The following CTNNA3 variants were observed in gnomAD, a reference collection of about 807,000 sequenced individuals.
CTNNA3 encodes catenin alpha-3.
Under a neutral mutation model 95.7 loss-of-function variants are expected in CTNNA3, and 76 were observed. The ratio of observed to expected loss-of-function variants is 0.79; its 90% CI spans 0.66 to 0.96. CTNNA3 has a LOEUF of 0.96. Among genes scored for constraint, CTNNA3 ranks in the 40% least tolerant of loss-of-function variants. The pLI, the probability that CTNNA3 is intolerant of heterozygous loss-of-function variation, is 0.00. For synonymous variants in CTNNA3, 431 were observed against 374.4 expected (o/e 1.15, Z -1.74); for missense variants, 1,191 against 1,089.8 (o/e 1.09, Z -1.31).
chr10:65,950,743 C>T (rs960509093), intron 17 of CTNNA3, among the ~76,000 whole-genome samples: 7 of 152,092 alleles, frequency 4.6e-5, no homozygotes, highest in African/African-American at 1.7e-4. Flanking sequence ...AGGCAAAATT[C>T]CTTTTGAATA....
At chr10:66,504,552 A>T (rs1911348) in intron 11 of CTNNA3, among the ~76,000 whole-genome samples, 23,174 of 152,192 alleles carry the variant, frequency 0.15, 1,842 homozygotes, top group Non-Finnish European at 0.17. Context: ...TTCTCTCACA[A>T]TGCCCAGGAA....
At chr10:66,545,660 G>C (rs1424914971) in intron 10 of CTNNA3, among the ~76,000 whole-genome samples, 1 of 151,924 alleles carries the variant, frequency 6.6e-6, no homozygotes, top group Non-Finnish European at 1.5e-5. Context: ...CAACATATGA[G>C]TATTTTTGAT....
chr10:66,992,696 T>C (rs1564817630), intron 7 of CTNNA3, among the ~76,000 whole-genome samples: 3 of 152,166 alleles, frequency 2.0e-5, no homozygotes, highest in African/African-American at 4.8e-5. Flanking sequence ...GTTGATCACA[T>C]TTAAGTCTTT....
At chr10:66,542,119 C>T (rs1252034771) in intron 10 of CTNNA3, among the ~76,000 whole-genome samples, 1 of 152,024 alleles carries the variant, frequency 6.6e-6, no homozygotes, top group Non-Finnish European at 1.5e-5. Context: ...ATTTATGCAG[C>T]CAAAAGACAC....
chr10:66,943,701 T>C (rs988757988), intron 7 of CTNNA3, among the ~76,000 whole-genome samples: 2 of 152,124 alleles, frequency 1.3e-5, no homozygotes, highest in Middle Eastern at 3.2e-3. Context: ...GGAAAACAAA[T>C]ACAGGCATAC....
intron 7 of CTNNA3, among the ~76,000 whole-genome samples, chr10:66,845,717 A>AAAAAC (rs1554862180): frequency 1.3e-4 from 17 of 130,684 alleles, no homozygotes; most frequent in African/African-American, 4.8e-4. Context: ...AAAAAAAAAA[A>AAAAAC]AAAAAAAAAA....
intron 12 of CTNNA3, among the ~76,000 whole-genome samples, chr10:66,286,220 C>A (rs771517433): frequency 6.6e-6 from 1 of 151,996 alleles, no homozygotes; most frequent in Non-Finnish European, 1.5e-5. Context: ...ATCAACAATG[C>A]CTAAATATTC....
intron 9 of CTNNA3, among the ~76,000 whole-genome samples, chr10:66,624,295 T>G (rs977085529): frequency 2.6e-5 from 4 of 152,142 alleles, no homozygotes; most frequent in Non-Finnish European, 5.9e-5. Flanking sequence ...ACTGGGATGC[T>G]TTGAGAATTA....
At chr10:66,090,213 G>A (rs945184639) in intron 14 of CTNNA3, among the ~76,000 whole-genome samples, 1 of 151,934 alleles carries the variant, frequency 6.6e-6, no homozygotes, top group Non-Finnish European at 1.5e-5. Context: ...CCCATGTAAA[G>A]GACTTTGTAC....
intron 5 of CTNNA3, among the ~76,000 whole-genome samples, chr10:67,351,820 A>G (rs1477673242): frequency 1.3e-5 from 2 of 151,982 alleles, no homozygotes; most frequent in African/African-American, 2.4e-5. Context: ...CAAGAGGAAA[A>G]GTGGTGGCCT....
At position 66,793,131 on chromosome 10, in the gene CTNNA3, G is replaced by C. The variant is rs79320089; in HGVS notation, c.1048-17607C>G. 4.6e-3 allele frequency among the ~76,000 whole-genome samples: 702 copies of C among 152,012 alleles called. 2 individuals carry two copies. Among genetic ancestry groups the C allele is most frequent in the Middle Eastern group, 0.014 (4 of 294 alleles). ...GTGTAATGAGGTTTTGGGGGGAGTA[G>C]GTTTTTGTTTCATTTTCTTGTTTGT... On this transcript the variant is annotated intron_variant, in intron 7 of 17. Transcript: ENST00000433211.
intron 3 of CTNNA3, among the ~76,000 whole-genome samples, chr10:67,601,658 C>G (rs548428083): frequency 6.6e-6 from 1 of 152,328 alleles, no homozygotes; most frequent in South Asian, 2.1e-4. Context: ...ATAAACAACT[C>G]TTACCTAATT....
intron 5 of CTNNA3, among the ~76,000 whole-genome samples, chr10:67,499,636 C>T (rs1243227757): frequency 6.6e-6 from 1 of 152,044 alleles, no homozygotes; most frequent in Non-Finnish European, 1.5e-5. Context: ...TTCAGGGATT[C>T]GACTTCTTCC....
intron 11 of CTNNA3, among the ~76,000 whole-genome samples, chr10:66,511,402 C>A (rs1840653124): frequency 1.3e-5 from 2 of 151,104 alleles, no homozygotes; most frequent in Non-Finnish European, 3.0e-5. Flanking sequence ...TTATTTTCCT[C>A]TATTAACTTT....
chr10:67,612,969 C>A (rs1843512994), intron 2 of CTNNA3, among the ~76,000 whole-genome samples: 1 of 152,194 alleles, frequency 6.6e-6, no homozygotes, highest in Admixed American at 6.5e-5. Context: ...CCCACTAGAG[C>A]CGTCTCTTGA....
intron 5 of CTNNA3, among the ~76,000 whole-genome samples, chr10:67,254,249 A>G (rs1866239188): frequency 6.6e-6 from 1 of 152,154 alleles, no homozygotes; most frequent in Non-Finnish European, 1.5e-5. Context: ...AGTGACTTAT[A>G]AATTAATTAG....
intron 11 of CTNNA3, among the ~76,000 whole-genome samples, chr10:66,422,808 T>C (rs1458898668): frequency 1.3e-5 from 2 of 152,122 alleles, no homozygotes; most frequent in Non-Finnish European, 2.9e-5. Context: ...TTTTGTATTT[T>C]TAGTAGAGAT....
chr10:67,103,769 T>A (rs1858473786), intron 7 of CTNNA3, among the ~76,000 whole-genome samples: 1 of 151,610 alleles, frequency 6.6e-6, no homozygotes, highest in African/African-American at 2.4e-5. Context: ...TACAGAATTA[T>A]TTATTCTGTA....
At chr10:67,552,419 G>C (rs925689991) in intron 3 of CTNNA3, among the ~76,000 whole-genome samples, 2 of 151,724 alleles carry the variant, frequency 1.3e-5, no homozygotes, top group Admixed American at 1.3e-4. Context: ...TTTGTTACCT[G>C]TACATCGACG....
Sources: gnomAD v4.1 joint callset for allele counts (sites outside exome capture counted in the v4.1 genomes callset) on GRCh38, gnomAD v4.1.1 for gene constraint, MANE v1.5 for transcripts, NCBI Gene and HGNC (gene_info 2026-07-23, HGNC 2026-07-21) for gene names.